Variants in CPB2 observed in about 807,000 individuals in gnomAD.
CPB2 encodes carboxypeptidase B-like protein.
A neutral mutation model predicts 57.0 loss-of-function variants in CPB2; 54 were observed. The observed-to-expected ratio is 0.95, with a 90% confidence interval of 0.76 to 1.19. The LOEUF (loss-of-function observed/expected upper bound fraction) is 1.19. Among genes scored for constraint, CPB2 ranks in the 50% most tolerant of loss-of-function variants. CPB2 has a pLI of 0.00. For synonymous variants in CPB2, 189 were observed against 178.1 expected (o/e 1.06, Z -0.49); for missense variants, 426 against 512.0 (o/e 0.83, Z 1.62).
chr13:46,089,179 A>G (rs1172593545), intron 1 of CPB2, among the ~76,000 whole-genome samples: 1 of 151,680 alleles, frequency 6.6e-6, no homozygotes, highest in Non-Finnish European at 1.5e-5. Flanking sequence ...ATCGTTTATT[A>G]TTATGATTTT....
chr13:46,064,769 C>T (rs2044827788), intron 7 of CPB2, 28 bp from the exon 8 acceptor site: 2 of 1,589,066 alleles, frequency 1.3e-6, no homozygotes, highest in African/African-American at 2.7e-5. Flanking sequence ...AAACAGACAA[C>T]CTGGGTAGCC....
intron 8 of CPB2, among the ~76,000 whole-genome samples, chr13:46,059,741 C>T (rs2044745915): frequency 6.6e-6 from 1 of 152,204 alleles, no homozygotes; most frequent in South Asian, 2.1e-4. Context: ...AGTCCAGCTG[C>T]ATCTCTGCCT....
At position 46,053,782 on chromosome 13, in the gene CPB2, A is replaced by T. The variant is rs1037317363; in HGVS notation, c.1104T>A (p.Gly368=). The T allele has an allele frequency of 1.2e-6, 2 of 1,613,818 alleles. No individual in the cohort carries two copies. The highest frequency in any genetic ancestry group is 2.7e-5 in the African/African-American group (2 of 75,012). Residue 368 remains glycine (G), a synonymous_variant, in exon 11 of 11, where the codon GGT becomes GGA. Coordinates refer to ENST00000181383, the MANE Select transcript of CPB2 (RefSeq NM_001872.5). ...CCAAATCATAGATCCAATCGTCCCC[A>T]CCTCCAGGAGCTAGGTCTAAAAGAA... ...GSETLYLAPG[G]GDDWIYDLGI... is the part of the protein sequence containing the mutation.
chr13:46,058,374 A>C lies in CPB2; in HGVS notation c.804T>G (p.Gly268=). 2 of 1,613,836 alleles carry C rather than the reference A, an allele frequency of 1.2e-6. No homozygotes were observed. The highest frequency in any genetic ancestry group is 1.7e-4 in the Middle Eastern group (1 of 6,060). ...TTTCCGAGCATGAGGAACTGGATGCACCTTCCTCTGTAACGAAATTGTTAA... is the reference window on the plus strand; with the variant it reads ...TTTCCGAGCATGAGGAACTGGATGCCCCTTCCTCTGTAACGAAATTGTTAA... The part of the protein sequence containing the change: ...NFASKHWCEE[G]ASSSSCSETY... The change falls in exon 9 of 11, where the codon GGT becomes GGG. Residue 268 remains glycine, a synonymous_variant. Coordinates refer to ENST00000181383, the MANE Select transcript of CPB2 (RefSeq NM_001872.5).
chr13:46,055,278 A>G (rs1408287127), intron 10 of CPB2, among the ~76,000 whole-genome samples: 1 of 152,190 alleles, frequency 6.6e-6, no homozygotes, highest in Non-Finnish European at 1.5e-5. Context: ...ACTTTTTGTT[A>G]AGAGTTTGTC....
At chr13:46,096,980 T>G (rs1369996549) in intron 1 of CPB2, 1 of 152,128 alleles carries the variant, frequency 6.6e-6, no homozygotes, top group African/African-American at 2.4e-5. Flanking sequence ...GGAAAACCCC[T>G]CAAGAACCTG....
chr13:46,086,293 G>T (rs1462361785), intron 2 of CPB2, among the ~76,000 whole-genome samples: 8 of 152,132 alleles, frequency 5.3e-5, no homozygotes, highest in Non-Finnish European at 1.5e-5. Context: ...TCCACCATTT[G>T]GCAGGTTCAG....
intron 10 of CPB2, among the ~76,000 whole-genome samples, chr13:46,054,970 C>T (rs890433536): frequency 6.6e-6 from 1 of 151,540 alleles, no homozygotes; most frequent in Non-Finnish European, 1.5e-5. Flanking sequence ...AGTCTGGTCT[C>T]GAACTCCTGA....
At chr13:46,100,936 C>T (rs1229703619) in intron 1 of CPB2, 1 of 152,020 alleles carries the variant, frequency 6.6e-6, no homozygotes, top group Non-Finnish European at 1.5e-5. Context: ...GAGAAAAAGA[C>T]TAACAAGAAA....
intron 1 of CPB2, among the ~76,000 whole-genome samples, chr13:46,091,544 T>G (rs778962670): frequency 6.6e-6 from 1 of 152,156 alleles, no homozygotes. Flanking sequence ...TTGTTAAGAG[T>G]TTTTATGATG....
Position 46,104,912 on chromosome 13 carries a change from C to A in CPB2, c.74+24G>T, listed in dbSNP as rs749881047. On this transcript the variant is annotated intron_variant, in intron 1 of 10. Transcript: ENST00000181383. Reference sequence around the variant, plus strand: ...AACAAGTGAGGAGAGTGGCCCACCACAGTCTAAGATTCTATTGGGTTACCT... The same window carrying A: ...AACAAGTGAGGAGAGTGGCCCACCAAAGTCTAAGATTCTATTGGGTTACCT... 8 of 1,613,676 alleles carry A rather than the reference C, an allele frequency of 5.0e-6. No individual in the cohort carries two copies. The Admixed American group carries it at 1.3e-4, about 27-fold the overall frequency.
rs767860927 is a variant in CPB2, at chr13:46,073,888, C to T, written c.576G>A (p.Leu192=). 6.4e-7 allele frequency: 1 copy of T among 1,569,180 alleles called. No homozygotes were observed. The highest frequency in any genetic ancestry group is 1.7e-5 in the Admixed American group (1 of 59,524). ...AREWISPAFC[L]WFIGHITQFY... ...GAATACTTACATGGCCTATGAACCA[C>T]AAGCAGAAAGCAGGAGAGATCCATT... Residue 192 remains leucine, a synonymous_variant, in exon 6 of 11, where the codon TTG becomes TTA. Coordinates refer to ENST00000181383, the MANE Select transcript of CPB2 (RefSeq NM_001872.5).
At position 46,078,818 on chromosome 13, in the gene CPB2, GTAC is replaced by G; in HGVS notation, c.465_467del (p.Lys155_Tyr156delinsAsn). ...AACATACCTTTAAAACATAGAGTGG[GTAC>G]TTCTCAAATGAGGATCCAATGTGGA... On this transcript the variant is annotated inframe_deletion, in exon 5 of 11. Transcript: ENST00000181383. 6.2e-7 allele frequency: 1 copy of G among 1,605,686 alleles called. No individual in the cohort carries two copies. Among genetic ancestry groups the G allele is most frequent in the Non-Finnish European group, 8.5e-7 (1 of 1,172,688 alleles).
chr13:46,070,241 T>G (rs1270580131), intron 6 of CPB2, among the ~76,000 whole-genome samples: 3 of 152,230 alleles, frequency 2.0e-5, no homozygotes, highest in Non-Finnish European at 4.4e-5. Flanking sequence ...TGAGCACATT[T>G]AAGGAAGGTT....
intron 6 of CPB2, among the ~76,000 whole-genome samples, chr13:46,070,620 C>T (rs557473878): frequency 6.6e-6 from 1 of 152,034 alleles, no homozygotes; most frequent in East Asian, 1.9e-4. Context: ...TAAATTAGTA[C>T]ATAACGACAT....
At position 46,053,432 on chromosome 13, in the gene CPB2, C is replaced by A; in HGVS notation, c.*182G>T. 1.2e-6 allele frequency: 1 copy of A among 836,142 alleles called. No individual in the cohort carries two copies. Among genetic ancestry groups the A allele is most frequent in the Non-Finnish European group, 1.7e-6 (1 of 592,616 alleles). The allele number at this position is 836,142 out of a possible 1,614,324, so 51.8% of individuals were successfully genotyped here. On this transcript the variant is annotated 3_prime_UTR_variant, in exon 11 of 11. Transcript: ENST00000181383. Reference sequence around the variant, plus strand: ...CAATTTTTTTTAAAGGGTAAAAAGACATGAACCCTAGTCTGCCTTAATGGC... The same window carrying A: ...CAATTTTTTTTAAAGGGTAAAAAGAAATGAACCCTAGTCTGCCTTAATGGC...
At chr13:46,092,815 A>G (rs928916231) in intron 1 of CPB2, among the ~76,000 whole-genome samples, 1 of 152,200 alleles carries the variant, frequency 6.6e-6, no homozygotes, top group African/African-American at 2.4e-5. Flanking sequence ...ATGCTGAGAA[A>G]TTTGGACTTT....
chr13:46,101,875 G>A (rs1369883658), intron 1 of CPB2, among the ~76,000 whole-genome samples: 1 of 152,154 alleles, frequency 6.6e-6, no homozygotes, highest in Non-Finnish European at 1.5e-5. Context: ...GTTCATTGGG[G>A]TGTATCCCCT....
At position 46,095,321 on chromosome 13, in the gene CPB2, T is replaced by TA. The variant is rs35255859; in HGVS notation, c.75-7502dup. ...AACCTCCCAGCCAAGATATCAAAAT[T>TA]AAAAAAAAAAAAATTCATCCTTGAG... On this transcript the variant is annotated intron_variant, in intron 1 of 10. Transcript: ENST00000181383. 1.0e-4 allele frequency among the ~76,000 whole-genome samples: 15 copies of TA among 149,862 alleles called. No individual in the cohort carries two copies. In the East Asian group the frequency reaches 1.4e-3, roughly 14 times the overall value.
Sources: gnomAD v4.1 joint callset for allele counts (sites outside exome capture counted in the v4.1 genomes callset) on GRCh38, gnomAD v4.1.1 for gene constraint, MANE v1.5 for transcripts, NCBI Gene and HGNC (gene_info 2026-07-23, HGNC 2026-07-21) for gene names.